The following AMBN variants were observed in gnomAD, a reference collection of about 807,000 sequenced individuals.
The protein encoded by AMBN is enamel matrix protein.
Under a neutral mutation model 48.0 loss-of-function variants are expected in AMBN, and 54 were observed. The ratio of observed to expected loss-of-function variants is 1.12; its 90% CI spans 0.90 to 1.41. AMBN has a LOEUF of 1.41. Among genes scored for constraint, AMBN ranks in the 40% most tolerant of loss-of-function variants. The probability of loss-of-function intolerance (pLI) is 0.00; values close to 1 mark genes in which losing one functional copy is unlikely to be tolerated. For missense variants in AMBN, 571 were observed against 547.3 expected, an observed-to-expected ratio of 1.04 and a Z score of -0.43; for synonymous variants, 186 against 190.0, an observed-to-expected ratio of 0.98 and a Z score of 0.17.
rs1352175658 is a variant in AMBN at position 70,606,428 on chromosome 4, G to A, written c.1042G>A (p.Ala348Thr). Residue 348 changes from alanine to threonine, a missense_variant, in exon 13 of 13, where the codon GCT (alanine) becomes ACT (threonine). By Grantham distance (58) the Ala-to-Thr change is moderately conservative. Coordinates refer to ENST00000322937, the MANE Select transcript of AMBN (RefSeq NM_016519.6). Reference protein sequence around the residue: ...NPAFLTELEPAPHAGLLALPK... With the variant: ...NPAFLTELEPTPHAGLLALPK... Reference sequence around the variant, plus strand: ...AGCTTTCCTTACAGAGCTAGAACCTGCTCCCCACGCAGGGCTCCTTGCTCT... The same window carrying A: ...AGCTTTCCTTACAGAGCTAGAACCTACTCCCCACGCAGGGCTCCTTGCTCT... 1.9e-6 allele frequency: 3 copies of A among 1,614,012 alleles called. No homozygotes were observed. Among genetic ancestry groups the A allele is most frequent in the Admixed American group, 3.3e-5 (2 of 60,008 alleles).
chr4:70,604,546 A>G (rs567550757), intron 12 of AMBN, among the ~76,000 whole-genome samples: 1 of 152,336 alleles, frequency 6.6e-6, no homozygotes, highest in East Asian at 1.9e-4. Context: ...CAAAAGCTAT[A>G]TTGAATTAAC....
intron 6 of AMBN, chr4:70,601,994 A>C (rs1400731842): frequency 1.9e-5 from 9 of 467,280 alleles, no homozygotes; most frequent in Non-Finnish European, 3.8e-5. Flanking sequence ...TATTGGAAAA[A>C]CTGAAAAAAG....
chr4:70,598,848 C>T (rs954088553), intron 4 of AMBN, among the ~76,000 whole-genome samples: 3 of 151,758 alleles, frequency 2.0e-5, no homozygotes, highest in Non-Finnish European at 4.4e-5. Flanking sequence ...GATCTCGGCT[C>T]ACTGCAACCT....
chr4:70,595,558 TAC>T, intron 2 of AMBN, among the ~76,000 whole-genome samples: 1 of 152,122 alleles, frequency 6.6e-6, no homozygotes, highest in East Asian at 1.9e-4. Flanking sequence ...GGATTTTACT[TAC>T]ATGAAAAAGG....
Position 70,601,459 on chromosome 4 carries a change from A to C in AMBN, c.336A>C (p.Ser112=). 1 of 1,614,164 alleles carries C rather than the reference A, an allele frequency of 6.2e-7. No individual in the cohort carries two copies. The highest frequency in any genetic ancestry group is 1.1e-5 in the South Asian group (1 of 91,076). The change falls in exon 6 of 13, where the codon TCA becomes TCC. Residue 112 remains serine (S), a synonymous_variant. Transcript: ENST00000322937. The stretch of plus-strand genomic sequence containing the variant: ...CTGTGCATCCCCCACCTCTCCCATC[A>C]CAGCCATCCTTGAAGCCTCAACAGC... ...SLPVHPPPLP[S]QPSLKPQQPG...
At chr4:70,596,456 C>A (rs959326947) in intron 2 of AMBN, among the ~76,000 whole-genome samples, 2 of 152,078 alleles carry the variant, frequency 1.3e-5, no homozygotes, top group Non-Finnish European at 2.9e-5. Flanking sequence ...TAGGTTTACA[C>A]ATAAAATAAT....
At chr4:70,603,041 T>A (rs1356989582) in intron 9 of AMBN, 31 bp downstream of exon 9, 15 of 1,578,760 alleles carry the variant, frequency 9.5e-6, no homozygotes, top group Non-Finnish European at 1.3e-5. Flanking sequence ...GACACTGTCT[T>A]GCAAAAACTG....
At chr4:70,600,705 A>C (rs1737501321) in intron 5 of AMBN, among the ~76,000 whole-genome samples, 1 of 152,212 alleles carries the variant, frequency 6.6e-6, no homozygotes, top group Admixed American at 6.5e-5. Flanking sequence ...GAAGTAACAA[A>C]ACATGGTGAT....
intron 2 of AMBN, among the ~76,000 whole-genome samples, chr4:70,594,761 T>G (rs1193181057): frequency 6.6e-6 from 1 of 152,204 alleles, no homozygotes; most frequent in Non-Finnish European, 1.5e-5. Flanking sequence ...TCACTATCAG[T>G]CTAACACATT....
At chr4:70,592,728 A>ATGTT (rs1255619589) in intron 1 of AMBN, among the ~76,000 whole-genome samples, 14 of 152,164 alleles carry the variant, frequency 9.2e-5, no homozygotes, top group African/African-American at 3.4e-4. Flanking sequence ...TCATTTTAGG[A>ATGTT]AGAGGAAAGC....
intron 2 of AMBN, among the ~76,000 whole-genome samples, chr4:70,596,532 T>C (rs1737388314): frequency 6.6e-6 from 1 of 152,216 alleles, no homozygotes; most frequent in African/African-American, 2.4e-5. Flanking sequence ...AGATTTTTCA[T>C]ATGATTTTTC....
chr4:70,606,447 T>C lies in AMBN; in HGVS notation c.1061T>C (p.Leu354Pro), dbSNP rs72654387. The part of the protein sequence containing the change: ...ELEPAPHAGL[L>P]ALPKDDIPGL... ...GAACCTGCTCCCCACGCAGGGCTCC[T>C]TGCTCTCCCTAAGGATGACATTCCC... Residue 354 changes from leucine (L) to proline (P), a missense_variant, in exon 13 of 13, where the codon CTT (leucine) becomes CCT (proline). Leu to Pro is a moderately conservative substitution (Grantham distance 98). Coordinates refer to ENST00000322937, the MANE Select transcript of AMBN (RefSeq NM_016519.6). 77,596 of 1,613,892 alleles carry C rather than the reference T, an allele frequency of 0.048. 2,227 individuals are homozygous for C. The highest frequency in any genetic ancestry group is 0.057 in the Non-Finnish European group (67,210 of 1,179,926).
rs747565586 is a variant in AMBN, at chr4:70,602,649, C to T, written c.557C>T (p.Pro186Leu). Residue 186 changes from proline to leucine, a missense_variant, in exon 7 of 13, where the codon CCA becomes CTA. Pro to Leu is a moderately conservative substitution (Grantham distance 98). Transcript: ENST00000322937. ...PELPGVDFAD[P>L]QGPSLPGMDF... Reference sequence around the variant, plus strand: ...CTCCCAGGAGTAGATTTTGCTGATCCACAAGGTCCATCAGTAAGTACAGAT... The same window carrying T: ...CTCCCAGGAGTAGATTTTGCTGATCTACAAGGTCCATCAGTAAGTACAGAT... 2 of 1,569,932 alleles carry T rather than the reference C, an allele frequency of 1.3e-6. No individual in the cohort carries two copies. The highest frequency in any genetic ancestry group is 8.7e-7 in the Non-Finnish European group (1 of 1,154,920).
intron 2 of AMBN, among the ~76,000 whole-genome samples, chr4:70,594,473 T>C (rs190127198): frequency 1.6e-4 from 25 of 152,386 alleles, no homozygotes; most frequent in African/African-American, 6.0e-4. Flanking sequence ...TGATCTCTTG[T>C]CTCCAGTAGC....
chr4:70,601,704 G>C, intron 6 of AMBN, 50 bp downstream of exon 6: 1 of 1,546,022 alleles, frequency 6.5e-7, no homozygotes, highest in Non-Finnish European at 8.9e-7. Context: ...TAACCTAATA[G>C]AAGAAAACGA....
intron 4 of AMBN, 36 bp from the exon 5 acceptor site, chr4:70,599,500 A>T: frequency 6.9e-7 from 1 of 1,439,718 alleles, no homozygotes; most frequent in Non-Finnish European, 9.6e-7. Flanking sequence ...TTTAACATTT[A>T]AATATAAGCA....
intron 5 of AMBN, among the ~76,000 whole-genome samples, chr4:70,601,004 T>C (rs568703630): frequency 2.8e-4 from 42 of 152,290 alleles, no homozygotes; most frequent in African/African-American, 9.9e-4. Context: ...AGCTATGTTA[T>C]GTACACGGGC....
chr4:70,597,169 G>A (rs1737404355), intron 3 of AMBN, 120 bp downstream of exon 3: 3 of 778,328 alleles, frequency 3.9e-6, no homozygotes, highest in Non-Finnish European at 6.1e-6. Flanking sequence ...GTTATCCTGA[G>A]GAGTGCTAGA....
rs1203010531 is a variant in AMBN, at chr4:70,602,983, G to T, written c.621G>T (p.Leu207Phe). The T allele has an allele frequency of 6.2e-7, 1 of 1,600,356 alleles. No individual in the cohort carries two copies. The highest frequency in any genetic ancestry group is 2.2e-5 in the East Asian group (1 of 44,450). ...TATCTGTAATATAGCTCCCAGGATT[G>T]GATTTTGCTGATCCACAAGGTTCAA... ...PDPQGPSLPGLDFADPQGSTI... is the reference protein window; with the variant it reads ...PDPQGPSLPGFDFADPQGSTI... The change falls in exon 9 of 13, where the codon TTG becomes TTT. Residue 207 changes from leucine (L) to phenylalanine (F), a missense_variant. Leu to Phe is a conservative substitution (Grantham distance 22). Transcript: ENST00000322937.
Sources: allele counts gnomAD v4.1 joint callset (sites outside exome capture counted in the v4.1 genomes callset), GRCh38; gene constraint gnomAD v4.1.1; transcripts MANE v1.5; gene names NCBI Gene and HGNC (gene_info 2026-07-23, HGNC 2026-07-21).